The following CCDC171 variants were observed in gnomAD, a reference collection of about 807,000 sequenced individuals.
The protein encoded by CCDC171 is coiled-coil domain containing 171.
Under a neutral mutation model 168.2 loss-of-function variants are expected in CCDC171, and 177 were observed. The observed-to-expected ratio is 1.05, with a 90% CI of 0.93 to 1.19. CCDC171 has a LOEUF of 1.19. Among genes scored for constraint, CCDC171 ranks in the 50% most tolerant of loss-of-function variants. The pLI is 0.00. For missense variants in CCDC171, 1,991 were observed against 1,539.0 expected (o/e 1.29, Z -4.91); for synonymous variants, 687 against 540.8 (o/e 1.27, Z -3.75).
At chr9:16,087,713 T>G in the CCDC171 span, among the ~76,000 whole-genome samples, 2 of 152,112 alleles carry the variant, frequency 1.3e-5, no homozygotes, top group Admixed American at 6.5e-5. Context: ...TGCCAGTCTG[T>G]GTCTTCTAAT....
At chr9:15,611,672 T>G (rs1387445464) in intron 6 of CCDC171, among the ~76,000 whole-genome samples, 1 of 152,148 alleles carries the variant, frequency 6.6e-6, no homozygotes, top group Admixed American at 6.6e-5. Flanking sequence ...CCTCTTTTGA[T>G]CAACCTCTAG....
intron 21 of CCDC171, among the ~76,000 whole-genome samples, chr9:15,821,349 G>A (rs1196974626): frequency 1.7e-5 from 2 of 116,794 alleles, no homozygotes; most frequent in Non-Finnish European, 3.8e-5. Flanking sequence ...CAATCAGGCA[G>A]GAGAAGGAAA....
At chr9:15,803,834 C>T (rs1432876075) in intron 21 of CCDC171, among the ~76,000 whole-genome samples, 2 of 151,846 alleles carry the variant, frequency 1.3e-5, no homozygotes, top group Non-Finnish European at 2.9e-5. Context: ...GGAATAGCAT[C>T]GAATCTATAA....
intron 4 of CCDC171, among the ~76,000 whole-genome samples, chr9:15,582,023 A>C (rs2041162074): frequency 6.6e-6 from 1 of 152,260 alleles, no homozygotes; most frequent in Non-Finnish European, 1.5e-5. Flanking sequence ...AACTTTTGCA[A>C]TCTATCCATC....
At position 15,832,937 on chromosome 9, in the gene CCDC171, C is replaced by G. The variant is rs9407657; in HGVS notation, c.3268-13765C>G. Among the ~76,000 whole-genome samples, 1,165 of 149,302 alleles carry G rather than the reference C, an allele frequency of 7.8e-3. 12 individuals are homozygous for G. The highest frequency in any genetic ancestry group is 0.027 in the African/African-American group (1,109 of 40,408). On this transcript the variant is annotated intron_variant, in intron 21 of 25. Transcript: ENST00000380701. Reference sequence around the variant, plus strand: ...TAGCTCTACACAGGGTCAGGATCATCAAGATATTAGTAGGTGATAGGAAAT... The same window carrying G: ...TAGCTCTACACAGGGTCAGGATCATGAAGATATTAGTAGGTGATAGGAAAT...
intron 3 of CCDC171, among the ~76,000 whole-genome samples, chr9:15,994,159 C>T (rs571903177): frequency 1.2e-4 from 18 of 150,644 alleles, no homozygotes; most frequent in Admixed American, 9.2e-4. Context: ...GCAGTATAAT[C>T]GCAATAGCAA....
At chr9:15,678,991 A>G (rs1398088733) in intron 10 of CCDC171, 95 bp downstream of exon 10, 1 of 942,632 alleles carries the variant, frequency 1.1e-6, no homozygotes, top group East Asian at 2.8e-5. Flanking sequence ...ATGAGATAAT[A>G]GTATGCAAGT....
chr9:15,757,161 T>G (rs549230625), intron 18 of CCDC171, among the ~76,000 whole-genome samples: 1 of 152,138 alleles, frequency 6.6e-6, no homozygotes, highest in South Asian at 2.1e-4. Context: ...GTTGAAACAG[T>G]TTGGAGGGCT....
At chr9:15,581,773 A>C (rs928329800) in intron 4 of CCDC171, among the ~76,000 whole-genome samples, 8 of 152,102 alleles carry the variant, frequency 5.3e-5, no homozygotes, top group Non-Finnish European at 1.0e-4. Flanking sequence ...CTTACACAAA[A>C]ATTAACTCAA....
At chr9:16,039,369 T>C (rs1242743162), upstream of CCDC171, among the ~76,000 whole-genome samples, 4 of 152,220 alleles carry the variant, frequency 2.6e-5, no homozygotes, top group African/African-American at 9.6e-5. Flanking sequence ...TTTTTTTCCT[T>C]CTGCGTTTTA....
At chr9:15,575,206 C>T (rs1288264831) in intron 3 of CCDC171, among the ~76,000 whole-genome samples, 15 of 146,466 alleles carry the variant, frequency 1.0e-4, no homozygotes, top group Non-Finnish European at 2.2e-4. Context: ...CGCTCTGTCA[C>T]CCAGGTTGGA....
At chr9:15,766,895 C>T (rs2056753678) in intron 18 of CCDC171, among the ~76,000 whole-genome samples, 1 of 152,112 alleles carries the variant, frequency 6.6e-6, no homozygotes, top group Non-Finnish European at 1.5e-5. Flanking sequence ...CTCCCGGCCT[C>T]AAGCAATCCT....
At chr9:15,807,503 A>G (rs891970506) in intron 21 of CCDC171, among the ~76,000 whole-genome samples, 1 of 152,178 alleles carries the variant, frequency 6.6e-6, no homozygotes, top group Non-Finnish European at 1.5e-5. Flanking sequence ...CTACTGAGGT[A>G]TGGTCCTTCT....
At chr9:15,627,624 G>A (rs747178518) in intron 7 of CCDC171, among the ~76,000 whole-genome samples, 2 of 152,124 alleles carry the variant, frequency 1.3e-5, no homozygotes, top group Admixed American at 6.5e-5. Context: ...GTAGTTGAGT[G>A]GTTTTGAATG....
intron 21 of CCDC171, among the ~76,000 whole-genome samples, chr9:15,808,443 C>A (rs2059174357): frequency 6.6e-6 from 1 of 152,094 alleles, no homozygotes; most frequent in South Asian, 2.1e-4. Context: ...AGAGTCCAAA[C>A]AAGAGTACTT....
intron 3 of CCDC171, among the ~76,000 whole-genome samples, chr9:15,988,425 C>G (rs954585635): frequency 2.0e-5 from 3 of 152,276 alleles, no homozygotes; most frequent in African/African-American, 7.2e-5. Flanking sequence ...TTAGAAGTTT[C>G]TGTTTCATTT....
At chr9:15,930,926 AT>A (rs1363209376) in intron 25 of CCDC171, among the ~76,000 whole-genome samples, 1 of 151,682 alleles carries the variant, frequency 6.6e-6, no homozygotes, top group Non-Finnish European at 1.5e-5. Flanking sequence ...TAGTTAGTGT[AT>A]CCATAATCTC....
the CCDC171 span, among the ~76,000 whole-genome samples, chr9:16,069,055 G>C: frequency 6.6e-6 from 1 of 152,154 alleles, no homozygotes; most frequent in Non-Finnish European, 1.5e-5. Context: ...GCTGCATTCA[G>C]GTCTTCAAGC....
intron 24 of CCDC171, among the ~76,000 whole-genome samples, chr9:15,907,456 T>G (rs1382842082): frequency 6.6e-6 from 1 of 152,232 alleles, no homozygotes; most frequent in African/African-American, 2.4e-5. Context: ...GCTAGCCATA[T>G]GTAGAAAGCT....
Sources: allele counts gnomAD v4.1 joint callset (sites outside exome capture counted in the v4.1 genomes callset), GRCh38; gene constraint gnomAD v4.1.1; transcripts MANE v1.5; gene names NCBI Gene and HGNC (gene_info 2026-07-23, HGNC 2026-07-21).